The following DENND2D variants were observed in gnomAD, a reference collection of about 807,000 sequenced individuals.
The protein encoded by DENND2D is DENN domain containing 2D.
Under a neutral mutation model 59.8 loss-of-function variants are expected in DENND2D, and 37 were observed. That is an observed-to-expected ratio of 0.62 (90% CI 0.48 to 0.81). The LOEUF is 0.81. DENND2D is among the 40% of genes least tolerant of loss of function. DENND2D has a pLI of 0.00. For missense variants in DENND2D, 525 were observed against 579.7 expected (o/e 0.91, Z 0.97); for synonymous variants, 219 against 211.3 (o/e 1.04, Z -0.31).
chr1:111,204,430 ACACTTT>A (rs1303513340), upstream of DENND2D: 38 of 1,300,882 alleles, frequency 2.9e-5, no homozygotes, highest in Non-Finnish European at 3.1e-5. Context: ...CGCGGGTCCG[ACACTTT>A]CACTTTCACG....
At position 111,197,940 on chromosome 1, in the gene DENND2D, C is replaced by T. The variant is rs1165134564; in HGVS notation, c.406G>A (p.Gly136Arg). Residue 136 changes from glycine to arginine, a missense_variant, in exon 4 of 12, where the codon GGA (glycine) becomes AGA (arginine). Gly to Arg is a moderately radical substitution (Grantham distance 125). Coordinates refer to ENST00000357640, the MANE Select transcript of DENND2D (RefSeq NM_024901.5). Reference protein sequence around the residue: ...LTNVDGSRKIGYCRRLLPAGP... With the variant: ...LTNVDGSRKIRYCRRLLPAGP... ...CAGACCAAGAGGCGCCTGCAGTATC[C>T]AATCTTTCTGCTCCCATCCACATTG... 8.7e-6 allele frequency: 14 copies of T among 1,613,920 alleles called. No homozygotes were observed. Among genetic ancestry groups the T allele is most frequent in the Non-Finnish European group, 1.2e-5 (14 of 1,180,032 alleles).
rs1382164761 is a variant in DENND2D, at chr1:111,188,826, G to A, written c.1015-40C>T. On this transcript the variant is annotated intron_variant, in intron 9 of 11. Coordinates refer to ENST00000357640, the MANE Select transcript of DENND2D (RefSeq NM_024901.5). The stretch of plus-strand genomic sequence containing the variant: ...AGCTCCGAGGTCAAGCAGGAAGGAA[G>A]TGTGGAGTGAAGGTGGTTGGCAGAA... 5.7e-6 allele frequency: 9 copies of A among 1,576,130 alleles called. No homozygotes were observed. The African/African-American group carries it at 9.5e-5, about 17-fold the overall frequency.
At position 111,197,132 on chromosome 1, in the gene DENND2D, G is replaced by A. The variant is rs372539482; in HGVS notation, c.504+44C>T. 14 of 1,578,148 alleles carry A rather than the reference G, an allele frequency of 8.9e-6. No homozygotes were observed. The African/African-American group carries it at 2.0e-4, about 22-fold the overall frequency. On this transcript the variant is annotated intron_variant, in intron 5 of 11. Transcript: ENST00000357640. ...TGCACAGGCAGGGTTGGCAGCCAGA[G>A]ACAGCCTGGAATATGGGCAGGCCCT...
At chr1:111,191,454 A>T (rs1047504834) in intron 8 of DENND2D, among the ~76,000 whole-genome samples, 1 of 152,140 alleles carries the variant, frequency 6.6e-6, no homozygotes, top group Non-Finnish European at 1.5e-5. Context: ...GAAAGTCCCT[A>T]TACTGACAAC....
At chr1:111,198,763 C>T (rs369860619) in intron 2 of DENND2D, 21 bp from the exon 3 acceptor site, 13 of 1,613,280 alleles carry the variant, frequency 8.1e-6, no homozygotes, top group East Asian at 6.7e-5. Flanking sequence ...AAGGAAAAGA[C>T]AAGTGGATGT....
At chr1:111,189,136 A>T in intron 9 of DENND2D, 76 bp downstream of exon 9, 1 of 1,519,192 alleles carries the variant, frequency 6.6e-7, no homozygotes, top group Non-Finnish European at 9.1e-7. Flanking sequence ...GTTTGTTTAA[A>T]TAAGTGGAAC....
intron 11 of DENND2D, 95 bp from the exon 12 acceptor site, chr1:111,187,776 C>A: frequency 2.0e-6 from 2 of 987,116 alleles, no homozygotes; most frequent in Non-Finnish European, 3.1e-6. Flanking sequence ...CTGTCTGCTC[C>A]CCATACTGCC....
intron 1 of DENND2D, chr1:111,200,038 G>A: frequency 1.7e-6 from 1 of 603,506 alleles, no homozygotes; most frequent in Non-Finnish European, 2.8e-6. Flanking sequence ...TGACACAGAA[G>A]CCACGGAAAT....
upstream of DENND2D, chr1:111,204,367 C>A: frequency 7.0e-7 from 1 of 1,420,062 alleles, no homozygotes; most frequent in Admixed American, 3.0e-5. Flanking sequence ...CCCTGGAGTG[C>A]CCGGCTCCCG....
chr1:111,201,017 C>T (rs1193336162), upstream of DENND2D: 1 of 159,282 alleles, frequency 6.3e-6, no homozygotes, highest in Non-Finnish European at 1.4e-5. Context: ...GCAAGGCCAC[C>T]TGCTGAATTC....
rs1657319588 is a variant in DENND2D at position 111,187,404 on chromosome 1, G to A, written c.*201C>T. 1.7e-6 allele frequency: 1 copy of A among 584,082 alleles called. No individual in the cohort carries two copies. Among genetic ancestry groups the A allele is most frequent in the African/African-American group, 1.9e-5 (1 of 53,446 alleles). The allele number at this position is 584,082 out of a possible 1,614,324, so 36.2% of individuals were successfully genotyped here. On this transcript the variant is annotated 3_prime_UTR_variant, in exon 12 of 12. Transcript: ENST00000357640. ...CTGAGCCCAGTTCTGTGAGCATGGT[G>A]TCAGAGCCCTCCAAAGTCCTGAGAA...
intron 5 of DENND2D, 22 bp from the exon 6 acceptor site, chr1:111,196,078 G>A (rs1335414865): frequency 6.3e-7 from 1 of 1,591,010 alleles, no homozygotes; most frequent in Non-Finnish European, 8.6e-7. Context: ...AGAACCACGG[G>A]AGGCACGGCT....
chr1:111,199,947 G>C, intron 1 of DENND2D, 149 bp from the exon 2 acceptor site: 1 of 1,018,252 alleles, frequency 9.8e-7, no homozygotes, highest in Non-Finnish European at 1.4e-6. Context: ...AGTCACTCAG[G>C]ATCAGGGCCA....
intron 11 of DENND2D, 128 bp downstream of exon 11, chr1:111,188,003 C>A: frequency 7.4e-7 from 1 of 1,348,378 alleles, no homozygotes; most frequent in South Asian, 1.5e-5. Context: ...GTCATTTCAA[C>A]TCCACTAATA....
At chr1:111,187,928 C>G (rs959226846) in intron 11 of DENND2D, among the ~76,000 whole-genome samples, 6 of 152,232 alleles carry the variant, frequency 3.9e-5, no homozygotes, top group Non-Finnish European at 8.8e-5. Flanking sequence ...GTCCTGTTCA[C>G]TAATGGGTAA....
chr1:111,192,036 G>T, intron 8 of DENND2D, 104 bp downstream of exon 8: 1 of 1,093,744 alleles, frequency 9.1e-7, no homozygotes, highest in Non-Finnish European at 1.3e-6. Context: ...GCTTAAAGAG[G>T]TAAGGTAACT....
At chr1:111,196,104 A>G (rs765134718) in intron 5 of DENND2D, 48 bp from the exon 6 acceptor site, 17 of 1,553,596 alleles carry the variant, frequency 1.1e-5, no homozygotes, top group Non-Finnish European at 1.5e-5. Context: ...GGACACTACC[A>G]GGCAGGTGGA....
intron 8 of DENND2D, among the ~76,000 whole-genome samples, chr1:111,191,247 C>T (rs1303201619): frequency 6.6e-6 from 1 of 152,164 alleles, no homozygotes; most frequent in Non-Finnish European, 1.5e-5. Flanking sequence ...GAAACACAGC[C>T]TTCTTCTTTA....
intron 5 of DENND2D, chr1:111,196,725 T>C (rs1202522334): frequency 5.9e-6 from 1 of 170,310 alleles, no homozygotes; most frequent in Non-Finnish European, 1.3e-5. Context: ...CAACTGTTCT[T>C]CTACCCTTGA....
Sources: gnomAD v4.1 joint callset for allele counts (sites outside exome capture counted in the v4.1 genomes callset) on GRCh38, gnomAD v4.1.1 for gene constraint, MANE v1.5 for transcripts, NCBI Gene and HGNC (gene_info 2026-07-23, HGNC 2026-07-21) for gene names.